The following CEP128 variants were observed in gnomAD, a reference collection of about 807,000 sequenced individuals.
CEP128 encodes the protein centrosomal protein 128, also known as centrosomal protein 128kDa.
Under a neutral mutation model 156.7 loss-of-function variants are expected in CEP128, and 132 were observed. The ratio of observed to expected loss-of-function variants is 0.84; its 90% CI spans 0.73 to 0.97. The LOEUF is 0.97. Ranked by LOEUF, CEP128 falls within the 50% of genes least tolerant of loss-of-function variation. The probability of loss-of-function intolerance (pLI) is 0.00; values close to 1 mark genes in which losing one functional copy is unlikely to be tolerated. For synonymous variants in CEP128, 469 were observed against 448.9 expected, an observed-to-expected ratio of 1.04 and a Z score of -0.57; for missense variants, 1,252 against 1,281.9, an observed-to-expected ratio of 0.98 and a Z score of 0.36.
chr14:80,569,485 C>T (rs1891049465), intron 20 of CEP128, among the ~76,000 whole-genome samples: 1 of 152,174 alleles, frequency 6.6e-6, no homozygotes, highest in African/African-American at 2.4e-5. Flanking sequence ...ATGACAGCTA[C>T]TCACAACCTT....
At chr14:80,777,735 A>G in intron 16 of CEP128, 147 bp downstream of exon 16, 1 of 590,520 alleles carries the variant, frequency 1.7e-6, no homozygotes, top group African/African-American at 1.9e-5. Flanking sequence ...AAATCACAGC[A>G]TTCTAATAAA....
chr14:80,497,403 G>A lies in CEP128; in HGVS notation c.*76C>T. ...GCAGGTATGTCTGTTAGATAATCTG[G>A]GCCAAATTGCTGTAAGAATAGAGAT... is the stretch of plus-strand genomic sequence containing the variant. On this transcript the variant is annotated 3_prime_UTR_variant, in exon 25 of 25. Transcript: ENST00000555265. 1.0e-6 allele frequency: 1 copy of A among 992,194 alleles called. No homozygotes were observed. The highest frequency in any genetic ancestry group is 1.5e-6 in the Non-Finnish European group (1 of 649,352). The allele number at this position is 992,194 out of a possible 1,614,324, so 61.5% of individuals were successfully genotyped here.
chr14:80,530,683 A>G, intron 22 of CEP128, 126 bp downstream of exon 22: 1 of 514,764 alleles, frequency 1.9e-6, no homozygotes, highest in Non-Finnish European at 3.5e-6. Context: ...ATAAGGTGGT[A>G]TGTTAAAAGT....
intron 23 of CEP128, among the ~76,000 whole-genome samples, chr14:80,522,281 T>C (rs1289334986): frequency 6.6e-6 from 1 of 152,230 alleles, no homozygotes; most frequent in Non-Finnish European, 1.5e-5. Context: ...CAGCCATTAA[T>C]TGCTGTGAGC....
At chr14:80,841,917 T>C (rs896950039) in intron 9 of CEP128, among the ~76,000 whole-genome samples, 1 of 151,976 alleles carries the variant, frequency 6.6e-6, no homozygotes, top group Non-Finnish European at 1.5e-5. Context: ...TTATTATTGG[T>C]AATAATAGCC....
chr14:80,713,791 A>G (rs11846048), intron 19 of CEP128, among the ~76,000 whole-genome samples: 1 of 152,016 alleles, frequency 6.6e-6, no homozygotes, highest in Non-Finnish European at 1.5e-5. Flanking sequence ...TTGGAAACAA[A>G]GATAGTGATT....
intron 19 of CEP128, among the ~76,000 whole-genome samples, chr14:80,699,133 G>A (rs1437616849): frequency 1.3e-5 from 2 of 152,144 alleles, no homozygotes; most frequent in African/African-American, 2.4e-5. Flanking sequence ...ACACATTCCT[G>A]TCAGAGTACA....
chr14:80,790,980 G>A (rs1025300280), intron 14 of CEP128, among the ~76,000 whole-genome samples: 1 of 151,992 alleles, frequency 6.6e-6, no homozygotes, highest in Non-Finnish European at 1.5e-5. Context: ...AAAATACCTT[G>A]CAGTCACTTT....
intron 19 of CEP128, among the ~76,000 whole-genome samples, chr14:80,620,837 A>G (rs1189592986): frequency 6.6e-6 from 1 of 152,246 alleles, no homozygotes; most frequent in Non-Finnish European, 1.5e-5. Flanking sequence ...CTAAAATCAT[A>G]CAAATAGTAT....
intron 23 of CEP128, among the ~76,000 whole-genome samples, chr14:80,508,217 A>G (rs1888076693): frequency 1.3e-5 from 2 of 152,202 alleles, no homozygotes; most frequent in South Asian, 2.1e-4. Flanking sequence ...CGCCTGGCCT[A>G]ATTTAAATTT....
At chr14:80,549,707 C>T (rs1435163889) in intron 21 of CEP128, among the ~76,000 whole-genome samples, 1 of 152,170 alleles carries the variant, frequency 6.6e-6, no homozygotes, top group African/African-American at 2.4e-5. Flanking sequence ...TACTCTAACT[C>T]ATTTGGGTCT....
intron 18 of CEP128, among the ~76,000 whole-genome samples, chr14:80,743,957 G>C (rs550058364): frequency 2.0e-5 from 3 of 149,686 alleles, no homozygotes; most frequent in Admixed American, 6.7e-5. Context: ...CTGTAGCCTT[G>C]ACTTCCTGGG....
intron 23 of CEP128, among the ~76,000 whole-genome samples, chr14:80,511,101 A>G (rs1768890309): frequency 6.9e-6 from 1 of 145,948 alleles, no homozygotes; most frequent in Admixed American, 6.8e-5. Context: ...TGGATTTGGT[A>G]TCAGGGTAAT....
At chr14:80,676,692 T>C (rs892522533) in intron 19 of CEP128, among the ~76,000 whole-genome samples, 4 of 152,196 alleles carry the variant, frequency 2.6e-5, no homozygotes, top group African/African-American at 9.6e-5. Flanking sequence ...CACAGATATA[T>C]CACATTTAAA....
chr14:80,748,961 A>G (rs1481346067), intron 18 of CEP128, among the ~76,000 whole-genome samples: 2 of 152,120 alleles, frequency 1.3e-5, no homozygotes, highest in South Asian at 2.1e-4. Flanking sequence ...TCACCTGACT[A>G]GAGAGCCCTT....
rs1566837993 is a variant in CEP128, at chr14:80,656,323, A to ATATATATATTT, written c.2807-75901_2807-75900insAAATATATATA. Among the ~76,000 whole-genome samples, 249 of 33,482 alleles carry ATATATATATTT rather than the reference A, an allele frequency of 7.4e-3. 10 individuals carry two copies. Among genetic ancestry groups the ATATATATATTT allele is most frequent in the African/African-American group, 0.031 (241 of 7,866 alleles). 22.0% of individuals were successfully genotyped at this position (33,482 alleles called of 152,430 possible). A position where few individuals can be genotyped will look rare whatever the true frequency, so the allele number is the denominator to read the frequency against. On this transcript the variant is annotated intron_variant, in intron 19 of 24. Transcript: ENST00000555265. ...TATATATATATATATATATATATAT[A>ATATATATATTT]TATATATATATATATATAGCAATAA... is the stretch of plus-strand genomic sequence containing the variant.
intron 19 of CEP128, among the ~76,000 whole-genome samples, chr14:80,712,114 A>G (rs1897434515): frequency 6.6e-6 from 1 of 152,176 alleles, no homozygotes; most frequent in Non-Finnish European, 1.5e-5. Flanking sequence ...TAAGAAATTA[A>G]TATGAGGGTA....
At chr14:80,483,981 C>CT (rs991264627) in intron 14 of CEP128, among the ~76,000 whole-genome samples, 16 of 151,338 alleles carry the variant, frequency 1.1e-4, no homozygotes, top group East Asian at 9.8e-4. Context: ...ATTCCTTTTT[C>CT]TTTTTTTTTC....
rs868829369 is a variant in CEP128 at position 80,859,426 on chromosome 14, T to C, written c.762+3331A>G. Among the ~76,000 whole-genome samples, 652 of 142,992 alleles carry C rather than the reference T, an allele frequency of 4.6e-3. 1 individual carries two copies. Among genetic ancestry groups the C allele is most frequent in the African/African-American group, 0.014 (562 of 38,776 alleles). 93.8% of individuals were successfully genotyped at this position (142,992 alleles called of 152,430 possible). A position where few individuals can be genotyped will look rare whatever the true frequency, so the allele number is the denominator to read the frequency against. On this transcript the variant is annotated intron_variant, in intron 9 of 24. Coordinates refer to ENST00000555265, the MANE Select transcript of CEP128 (RefSeq NM_152446.5). Reference sequence around the variant, plus strand: ...GTGGGGGGAGGGGGGAGGGATAGCATTGGGAGATATACCTAATGCTAGATG... The same window carrying C: ...GTGGGGGGAGGGGGGAGGGATAGCACTGGGAGATATACCTAATGCTAGATG...
Sources: allele counts gnomAD v4.1 joint callset (sites outside exome capture counted in the v4.1 genomes callset), GRCh38; gene constraint gnomAD v4.1.1; transcripts MANE v1.5; gene names NCBI Gene and HGNC (gene_info 2026-07-23, HGNC 2026-07-21).